The following ARHGAP29 variants were observed in gnomAD, a reference collection of about 807,000 sequenced individuals.
ARHGAP29 encodes the protein rho GTPase-activating protein 29.
A neutral mutation model predicts 122.6 loss-of-function variants in ARHGAP29; 43 were observed. The ratio of observed to expected loss-of-function variants is 0.35; its 90% CI spans 0.27 to 0.45. ARHGAP29 has a LOEUF of 0.45. Ranked by LOEUF, ARHGAP29 falls within the 20% of genes least tolerant of loss-of-function variation. ARHGAP29 has a pLI of 1.00. For synonymous variants in ARHGAP29, 506 were observed against 497.1 expected (o/e 1.02, Z -0.24); for missense variants, 1,303 against 1,477.2 (o/e 0.88, Z 1.93).
At chr1:94,246,662 G>T (rs1653810141) in intron 1 of ARHGAP29, among the ~76,000 whole-genome samples, 1 of 152,142 alleles carries the variant, frequency 6.6e-6, no homozygotes, top group African/African-American at 2.4e-5. Flanking sequence ...AAATCAGAGG[G>T]GCTGAAAGAC....
At chr1:94,195,377 ACT>A (rs1650391074) in intron 12 of ARHGAP29, 1 of 152,192 alleles carries the variant, frequency 6.6e-6, no homozygotes, top group South Asian at 2.1e-4. Context: ...GAGCATCCAC[ACT>A]GTTTTTTCCT....
chr1:94,305,001 C>G, the ARHGAP29 span, among the ~76,000 whole-genome samples: 1 of 152,152 alleles, frequency 6.6e-6, no homozygotes, highest in Non-Finnish European at 1.5e-5. Context: ...TACAGAGCAA[C>G]CAGAGATGAG....
At position 94,202,718 on chromosome 1, in the gene ARHGAP29, A is replaced by G; in HGVS notation, c.969T>C (p.Asn323=). 1 of 1,613,518 alleles carries G rather than the reference A, an allele frequency of 6.2e-7. No individual in the cohort carries two copies. Among genetic ancestry groups the G allele is most frequent in the Non-Finnish European group, 8.5e-7 (1 of 1,179,936 alleles). Residue 323 remains asparagine, a synonymous_variant, in exon 11 of 23, where the codon AAT becomes AAC. Transcript: ENST00000260526. ...ATAATAATTTTGCCTTTTTGAGAGC[A>G]TTCTCTGCTTCAAGCTACACCGAAA... The part of the protein sequence containing the change: ...QEQNKMLEAE[N]ALKKAKLLCM...
chr1:94,224,521 C>T (rs1194968946), intron 2 of ARHGAP29, among the ~76,000 whole-genome samples: 1 of 152,112 alleles, frequency 6.6e-6, no homozygotes, highest in African/African-American at 2.4e-5. Context: ...TTCTCAGAGT[C>T]AAGGAAATTA....
chr1:94,278,297 C>T (rs888243905), upstream of ARHGAP29, among the ~76,000 whole-genome samples: 4 of 151,626 alleles, frequency 2.6e-5, no homozygotes, highest in Admixed American at 2.6e-4. Context: ...CCAGCGTAGG[C>T]AACAGAACAA....
At chr1:94,309,247 A>G in the ARHGAP29 span, among the ~76,000 whole-genome samples, 4 of 152,252 alleles carry the variant, frequency 2.6e-5, no homozygotes, top group African/African-American at 9.6e-5. Flanking sequence ...CATTTGATAG[A>G]TGAGGAAACT....
intron 18 of ARHGAP29, 46 bp from the exon 19 acceptor site, chr1:94,184,334 A>G (rs1336262732): frequency 7.3e-7 from 1 of 1,377,506 alleles, no homozygotes; most frequent in Non-Finnish European, 1.0e-6. Flanking sequence ...TCTTTAGTAC[A>G]AATGGCTAAA....
chr1:94,264,535 G>A (rs1285675207), intron 1 of ARHGAP29, among the ~76,000 whole-genome samples: 1 of 152,118 alleles, frequency 6.6e-6, no homozygotes. Context: ...ATCTGTGGCT[G>A]CCTTCCACTT....
intron 2 of ARHGAP29, among the ~76,000 whole-genome samples, chr1:94,223,785 G>A (rs1053808408): frequency 6.6e-6 from 1 of 151,554 alleles, no homozygotes; most frequent in Non-Finnish European, 1.5e-5. Flanking sequence ...TTGAATAGGT[G>A]TAAAAAAATT....
intron 15 of ARHGAP29, among the ~76,000 whole-genome samples, chr1:94,188,542 T>A (rs1239731614): frequency 1.3e-5 from 2 of 152,020 alleles, no homozygotes; most frequent in Non-Finnish European, 2.9e-5. Flanking sequence ...TAGAAACATT[T>A]AAAATAGCTA....
rs142462632 is a variant in ARHGAP29, at chr1:94,223,172, C to T, written c.206-2780G>A. Among the ~76,000 whole-genome samples, 641 of 152,276 alleles carry T rather than the reference C, an allele frequency of 4.2e-3. 2 individuals are homozygous for T. Among genetic ancestry groups the T allele is most frequent in the African/African-American group, 0.015 (610 of 41,558 alleles). On this transcript the variant is annotated intron_variant, in intron 2 of 22. Coordinates refer to ENST00000260526, the MANE Select transcript of ARHGAP29 (RefSeq NM_004815.4). ...TGTTAGCCAGGATGGTCTTGATCTC[C>T]TGACCTCGTGATCCATCCGCCTCGG...
rs1005816300 is a variant in ARHGAP29 at position 94,237,577 on chromosome 1, C to T, written c.-195G>A. On this transcript the variant is annotated 5_prime_UTR_variant, in exon 1 of 23. It adds an upstream start codon to the 5' untranslated region. Transcript: ENST00000260526. ...GCCGCAGCCACAGCCACAGGCACCACCACCACTGCAGCCGCCACCGCCCCT... is the reference window on the plus strand; with the variant it reads ...GCCGCAGCCACAGCCACAGGCACCATCACCACTGCAGCCGCCACCGCCCCT... 3.5e-5 allele frequency: 35 copies of T among 990,962 alleles called. No homozygotes were observed. Among genetic ancestry groups the T allele is most frequent in the African/African-American group, 5.2e-5 (3 of 57,224 alleles). The allele number at this position is 990,962 out of a possible 1,614,324, so 61.4% of individuals were successfully genotyped here.
At chr1:94,233,861 AC>A (rs1446784504) in intron 1 of ARHGAP29, among the ~76,000 whole-genome samples, 3 of 152,164 alleles carry the variant, frequency 2.0e-5, no homozygotes, top group African/African-American at 7.2e-5. Flanking sequence ...GCTGGGTGCA[AC>A]TCACCAACTT....
intron 1 of ARHGAP29, among the ~76,000 whole-genome samples, chr1:94,273,733 T>G (rs1655082078): frequency 6.6e-6 from 1 of 152,190 alleles, no homozygotes; most frequent in African/African-American, 2.4e-5. Context: ...ATTTTTTTTA[T>G]AGAATTAGAG....
Position 94,208,838 on chromosome 1 carries a change from T to C in ARHGAP29, c.504A>G (p.Glu168=). Residue 168 remains glutamate (E), a synonymous_variant, in exon 5 of 23, where the codon GAA becomes GAG. Transcript: ENST00000260526. The part of the protein sequence containing the change: ...DSLLRLPVSR[E]TKSFENVSVE... ...TCACACAAACTTAGCTTACCTTAGT[T>C]TCTCGAGAAACAGGCAGTCGCAATA... 2 of 1,613,920 alleles carry C rather than the reference T, an allele frequency of 1.2e-6. No homozygotes were observed. Among genetic ancestry groups the C allele is most frequent in the Non-Finnish European group, 1.7e-6 (2 of 1,179,844 alleles).
At chr1:94,277,604 A>G (rs191354400), upstream of ARHGAP29, among the ~76,000 whole-genome samples, 64 of 152,296 alleles carry the variant, frequency 4.2e-4, no homozygotes, top group African/African-American at 1.5e-3. Context: ...GAAGAGAAAA[A>G]AAATAGAGGA....
intron 1 of ARHGAP29, among the ~76,000 whole-genome samples, chr1:94,256,536 C>CTCTTTTTTTTT (rs1654354734): frequency 2.2e-5 from 1 of 45,296 alleles, no homozygotes; most frequent in Non-Finnish European, 3.7e-5. Context: ...CAGTACTAAT[C>CTCTTTTTTTTT]TTTTTTTTTT....
chr1:94,310,665 A>ACT, the ARHGAP29 span, among the ~76,000 whole-genome samples: 1 of 152,034 alleles, frequency 6.6e-6, no homozygotes, highest in African/African-American at 2.4e-5. Context: ...CCTTTTTGCT[A>ACT]TCTCACTTTC....
At chr1:94,242,616 C>CAAAAAAAAAAAAAAAAAAA (rs11320139), upstream of ARHGAP29, among the ~76,000 whole-genome samples, 2 of 130,182 alleles carry the variant, frequency 1.5e-5, no homozygotes, top group Non-Finnish European at 3.3e-5. Flanking sequence ...TTCAAAAAAT[C>CAAAAAAAAAAAAAAAAAAA]AAAAAAAAAA....
Sources: gnomAD v4.1 joint callset for allele counts (sites outside exome capture counted in the v4.1 genomes callset) on GRCh38, gnomAD v4.1.1 for gene constraint, MANE v1.5 for transcripts, NCBI Gene and HGNC (gene_info 2026-07-23, HGNC 2026-07-21) for gene names.